FSIP1: variants seen among roughly 807,000 people sequenced by gnomAD.
FSIP1 encodes fibrous sheath interacting protein 1, also known as fibrous sheath-interacting protein 1.
Under a neutral mutation model 60.9 loss-of-function variants are expected in FSIP1, and 65 were observed. The ratio of observed to expected loss-of-function variants is 1.07; its 90% confidence interval spans 0.87 to 1.31. FSIP1 has a LOEUF of 1.31. Ranked by LOEUF, FSIP1 falls within the 40% of genes most tolerant of loss-of-function variation. FSIP1 has a pLI of 0.00. For missense variants in FSIP1, 675 were observed against 665.5 expected (o/e 1.01, Z -0.16); for synonymous variants, 209 against 221.2 (o/e 0.94, Z 0.49).
chr15:39,757,292 T>C (rs1484354090), intron 5 of FSIP1, among the ~76,000 whole-genome samples: 2 of 152,156 alleles, frequency 1.3e-5, no homozygotes, highest in Non-Finnish European at 2.9e-5. Context: ...CATTTCATTG[T>C]AGAACAGATG....
chr15:39,704,870 T>C (rs1895201351), intron 10 of FSIP1, among the ~76,000 whole-genome samples: 2 of 152,176 alleles, frequency 1.3e-5, no homozygotes, highest in African/African-American at 4.8e-5. Context: ...CACATTCTTA[T>C]CCTCAATGCT....
chr15:39,642,052 C>T (rs1892392026), intron 10 of FSIP1, among the ~76,000 whole-genome samples: 1 of 152,098 alleles, frequency 6.6e-6, no homozygotes, highest in African/African-American at 2.4e-5. Flanking sequence ...TGCTATAAAG[C>T]CTCCAGTTTG....
At chr15:39,712,008 A>G (rs116630913) in intron 10 of FSIP1, among the ~76,000 whole-genome samples, 1 of 152,056 alleles carries the variant, frequency 6.6e-6, no homozygotes, top group Non-Finnish European at 1.5e-5. Context: ...CTTCTACTTC[A>G]TCCCATCAAC....
intron 10 of FSIP1, among the ~76,000 whole-genome samples, chr15:39,631,643 C>A (rs1891894842): frequency 6.6e-6 from 1 of 152,186 alleles, no homozygotes; most frequent in Middle Eastern, 3.2e-3. Flanking sequence ...AAAAAGCCTG[C>A]ATTCTGGGCC....
chr15:39,765,524 G>T (rs1486220998), intron 4 of FSIP1, 68 bp downstream of exon 4: 4 of 1,238,420 alleles, frequency 3.2e-6, no homozygotes, highest in East Asian at 2.5e-5. Flanking sequence ...GATTACAGGT[G>T]TGAGCCACCA....
chr15:39,672,272 C>T (rs1389208399), intron 10 of FSIP1, among the ~76,000 whole-genome samples: 2 of 152,212 alleles, frequency 1.3e-5, no homozygotes, highest in Non-Finnish European at 2.9e-5. Flanking sequence ...GGGCATTCAG[C>T]ACAGCGGCTG....
intron 5 of FSIP1, among the ~76,000 whole-genome samples, chr15:39,761,275 T>C (rs1441014368): frequency 6.6e-6 from 1 of 152,216 alleles, no homozygotes; most frequent in Admixed American, 6.5e-5. Flanking sequence ...TGCTCTCCCA[T>C]GCTCACTGCA....
At chr15:39,760,964 T>C (rs962153245) in intron 5 of FSIP1, among the ~76,000 whole-genome samples, 5 of 152,092 alleles carry the variant, frequency 3.3e-5, no homozygotes, top group Non-Finnish European at 7.4e-5. Context: ...ATACAACAAA[T>C]ATGCAGAAAA....
intron 10 of FSIP1, among the ~76,000 whole-genome samples, chr15:39,681,046 G>A (rs1894139550): frequency 6.6e-6 from 1 of 152,042 alleles, no homozygotes; most frequent in Non-Finnish European, 1.5e-5. Context: ...GACCAGCCAC[G>A]ACCCCCTTCT....
Position 39,776,485 on chromosome 15 carries a change from G to A in FSIP1, c.40C>T (p.Pro14Ser). The change falls in exon 2 of 12, where the codon CCA becomes TCA. Residue 14 changes from proline to serine, a missense_variant. Physicochemically the swap from Pro to Ser is moderately conservative, Grantham distance 74. Coordinates refer to ENST00000350221, the MANE Select transcript of FSIP1 (RefSeq NM_152597.5). The stretch of plus-strand genomic sequence containing the variant: ...GGGCGTATTCTTGAATTTGAAGCTG[G>A]TTTTGAAATTCCATCTAGGTTTCCC... ...IKGNLDGISKPASNSRIRPGS... is the reference protein window; with the variant it reads ...IKGNLDGISKSASNSRIRPGS... 6.4e-7 allele frequency: 1 copy of A among 1,562,484 alleles called. No homozygotes were observed. The highest frequency in any genetic ancestry group is 8.7e-7 in the Non-Finnish European group (1 of 1,149,314).
At chr15:39,624,764 G>A (rs769957298) in intron 10 of FSIP1, among the ~76,000 whole-genome samples, 4 of 152,130 alleles carry the variant, frequency 2.6e-5, no homozygotes, top group Non-Finnish European at 5.9e-5. Context: ...TGGGGGCCAG[G>A]GACAATCTGG....
intron 10 of FSIP1, among the ~76,000 whole-genome samples, chr15:39,684,757 A>G (rs557091968): frequency 6.6e-6 from 1 of 152,306 alleles, no homozygotes; most frequent in Admixed American, 6.5e-5. Flanking sequence ...GGGCTTTACC[A>G]TGTGGTGAGG....
At chr15:39,666,212 A>G (rs1283682681) in intron 10 of FSIP1, among the ~76,000 whole-genome samples, 3 of 152,210 alleles carry the variant, frequency 2.0e-5, no homozygotes, top group Non-Finnish European at 4.4e-5. Flanking sequence ...TGTGTGACTA[A>G]AAATCTAGCC....
At chr15:39,740,740 G>C (rs1033097015) in intron 6 of FSIP1, among the ~76,000 whole-genome samples, 5 of 152,140 alleles carry the variant, frequency 3.3e-5, no homozygotes, top group African/African-American at 1.2e-4. Context: ...AGTTATCAAA[G>C]AGTCAATACA....
chr15:39,709,906 C>T (rs1223238998), intron 10 of FSIP1, among the ~76,000 whole-genome samples: 3 of 152,196 alleles, frequency 2.0e-5, no homozygotes, highest in Non-Finnish European at 2.9e-5. Flanking sequence ...ACCTGCTGAG[C>T]GGCCCAGTAC....
intron 10 of FSIP1, among the ~76,000 whole-genome samples, chr15:39,690,151 C>T (rs750170264): frequency 2.6e-5 from 4 of 152,124 alleles, no homozygotes; most frequent in Non-Finnish European, 4.4e-5. Context: ...GTGGTGGGCA[C>T]GCTGGGTGGA....
intron 11 of FSIP1, among the ~76,000 whole-genome samples, chr15:39,604,167 GT>G (rs1335137513): frequency 6.6e-6 from 1 of 152,212 alleles, no homozygotes; most frequent in African/African-American, 2.4e-5. Flanking sequence ...CCAACCTCTG[GT>G]GATCTGCCCG....
At chr15:39,763,504 T>C (rs1268288392) in intron 5 of FSIP1, among the ~76,000 whole-genome samples, 1 of 152,168 alleles carries the variant, frequency 6.6e-6, no homozygotes. Flanking sequence ...TAGGGAATTG[T>C]ATGCAGAAAG....
intron 11 of FSIP1, among the ~76,000 whole-genome samples, chr15:39,604,459 G>A (rs1034100106): frequency 3.4e-4 from 52 of 152,240 alleles, no homozygotes; most frequent in African/African-American, 1.2e-3. Context: ...AAATGATAGA[G>A]AAAATGATCA....
Sources: gnomAD v4.1 joint callset for allele counts (sites outside exome capture counted in the v4.1 genomes callset) on GRCh38, gnomAD v4.1.1 for gene constraint, MANE v1.5 for transcripts, NCBI Gene and HGNC (gene_info 2026-07-23, HGNC 2026-07-21) for gene names.